The following MTMR2 variants were observed in gnomAD, a reference collection of about 807,000 sequenced individuals.
MTMR2 encodes phosphatidylinositol-3,5-bisphosphate 3-phosphatase MTMR2.
A neutral mutation model predicts 86.9 loss-of-function variants in MTMR2; 55 were observed. That is an observed-to-expected ratio of 0.63 (90% confidence interval 0.51 to 0.79). MTMR2 has a LOEUF of 0.79. Ranked by LOEUF, MTMR2 falls within the 30% of genes least tolerant of loss-of-function variation. The pLI is 0.00. For synonymous variants in MTMR2, 241 were observed against 266.8 expected (o/e 0.90, Z 0.94); for missense variants, 659 against 772.3 (o/e 0.85, Z 1.74).
chr11:95,836,196 C>T lies in MTMR2; in HGVS notation c.1722G>A (p.Glu574=). Residue 574 remains glutamate (E), a synonymous_variant, in exon 14 of 15, where the codon GAG becomes GAA. Coordinates refer to ENST00000346299, the MANE Select transcript of MTMR2 (RefSeq NM_016156.6). Reference sequence around the variant, plus strand: ...ACCTTATGTAATATCCCACCCAGAGCTCTAGGTGGCGCATGCTGGCTACTG... The same window carrying T: ...ACCTTATGTAATATCCCACCCAGAGTTCTAGGTGGCGCATGCTGGCTACTG... ...LYPVASMRHL[E]LWVGYYIRWN... 6.2e-7 allele frequency: 1 copy of T among 1,612,970 alleles called. No homozygotes were observed.
intron 8 of MTMR2, 116 bp downstream of exon 8, chr11:95,850,484 T>C: frequency 1.8e-6 from 2 of 1,086,062 alleles, no homozygotes. Flanking sequence ...AATATCCCCA[T>C]GAAAGACCTG....
At chr11:95,910,683 A>G (rs1382359392) in intron 1 of MTMR2, among the ~76,000 whole-genome samples, 1 of 152,150 alleles carries the variant, frequency 6.6e-6, no homozygotes, top group Admixed American at 6.6e-5. Context: ...TTCTTTTTAA[A>G]AAGTGATTTT....
At chr11:95,889,744 G>A (rs570220703) in intron 1 of MTMR2, among the ~76,000 whole-genome samples, 22 of 152,136 alleles carry the variant, frequency 1.4e-4, no homozygotes, top group African/African-American at 5.3e-4. Flanking sequence ...AAAAATCTGT[G>A]ACAATATGCC....
chr11:95,895,977 A>C, intron 1 of MTMR2, among the ~76,000 whole-genome samples: 1 of 152,096 alleles, frequency 6.6e-6, no homozygotes, highest in South Asian at 2.1e-4. Flanking sequence ...GATAAAGATC[A>C]ATACCTTACC....
intron 1 of MTMR2, among the ~76,000 whole-genome samples, chr11:95,910,659 G>A (rs1050862291): frequency 4.0e-5 from 6 of 151,892 alleles, no homozygotes; most frequent in Non-Finnish European, 7.4e-5. Context: ...TCAATATTCC[G>A]TAAAAAGAAA....
At chr11:95,863,974 T>A (rs1864515182) in intron 3 of MTMR2, among the ~76,000 whole-genome samples, 1 of 152,120 alleles carries the variant, frequency 6.6e-6, no homozygotes. Context: ...AAAAGAGCAG[T>A]CTAGTACGAC....
At chr11:95,923,279 A>T (rs141718038) in intron 1 of MTMR2, among the ~76,000 whole-genome samples, 2,337 of 152,208 alleles carry the variant, frequency 0.015, 34 homozygotes, top group Middle Eastern at 0.034. Flanking sequence ...ATTCCTTGAT[A>T]CTGACTTTCA....
At chr11:95,907,548 G>C (rs1376166060) in intron 1 of MTMR2, among the ~76,000 whole-genome samples, 1 of 152,066 alleles carries the variant, frequency 6.6e-6, no homozygotes, top group Non-Finnish European at 1.5e-5. Flanking sequence ...AAGCCTGGCA[G>C]ACAGACAACG....
chr11:95,874,180 A>G, intron 2 of MTMR2, among the ~76,000 whole-genome samples: 3 of 152,166 alleles, frequency 2.0e-5, no homozygotes, highest in Non-Finnish European at 4.4e-5. Context: ...GATCTGTCTA[A>G]TATTGACAGT....
At chr11:95,871,083 T>C (rs1486510535) in intron 2 of MTMR2, among the ~76,000 whole-genome samples, 5 of 152,230 alleles carry the variant, frequency 3.3e-5, no homozygotes, top group Admixed American at 6.5e-5. Flanking sequence ...TTTTTATGGC[T>C]GCATAGTATT....
intron 8 of MTMR2, 124 bp from the exon 9 acceptor site, chr11:95,849,986 G>C: frequency 1.1e-6 from 1 of 898,442 alleles, no homozygotes; most frequent in African/African-American, 1.7e-5. Context: ...AAGGACATCT[G>C]AGGCTGCTAA....
Position 95,852,087 on chromosome 11 carries a change from A to G in MTMR2, c.655-1338T>C, listed in dbSNP as rs192665107. 6.6e-5 allele frequency among the ~76,000 whole-genome samples: 10 copies of G among 152,338 alleles called. No homozygotes were observed. The East Asian group carries it at 1.7e-3, about 26-fold the overall frequency. On this transcript the variant is annotated intron_variant, in intron 7 of 14. Transcript: ENST00000346299. ...TATGATCTCTGAAAATTCTTATCAA[A>G]CAGAAAAAGACAGAATTGAAAGTGA...
At chr11:95,845,882 T>TAA (rs201863810) in intron 10 of MTMR2, among the ~76,000 whole-genome samples, 3,448 of 89,978 alleles carry the variant, frequency 0.038, 107 homozygotes, top group South Asian at 0.074. Context: ...TATGGTATCT[T>TAA]AAAAAAAAAA....
At chr11:95,843,394 T>C (rs1863634027) in intron 11 of MTMR2, among the ~76,000 whole-genome samples, 1 of 152,174 alleles carries the variant, frequency 6.6e-6, no homozygotes, top group Non-Finnish European at 1.5e-5. Context: ...AAAAGATCTA[T>C]TCAAAATGGA....
At chr11:95,912,833 C>T (rs894837647) in intron 1 of MTMR2, 1 of 151,956 alleles carries the variant, frequency 6.6e-6, no homozygotes, top group Non-Finnish European at 1.5e-5. Flanking sequence ...TCCTAACTAG[C>T]GTACTTCACA....
Position 95,862,138 on chromosome 11 carries a change from A to G in MTMR2, c.358-36T>C, listed in dbSNP as rs1864445525. ...AAAGAAAAAATAATTAAAACTGAGC[A>G]ATTAATACTGTCCAATTATAGAGCT... On this transcript the variant is annotated intron_variant, in intron 4 of 14. Coordinates refer to ENST00000346299, the MANE Select transcript of MTMR2 (RefSeq NM_016156.6). The G allele has an allele frequency of 4.5e-6, 7 of 1,543,380 alleles. No homozygotes were observed. The Admixed American group carries it at 6.7e-5, about 15-fold the overall frequency.
At chr11:95,908,860 C>CT (rs1565385956) in intron 1 of MTMR2, among the ~76,000 whole-genome samples, 1 of 152,094 alleles carries the variant, frequency 6.6e-6, no homozygotes, top group East Asian at 1.9e-4. Context: ...AACAACAAAA[C>CT]TTATCAGAGT....
chr11:95,909,641 T>C (rs1866422901), intron 1 of MTMR2, among the ~76,000 whole-genome samples: 1 of 152,134 alleles, frequency 6.6e-6, no homozygotes. Context: ...TCCTTTATTT[T>C]GTTTTTTTTT....
At chr11:95,860,329 C>T (rs1481189382) in intron 5 of MTMR2, among the ~76,000 whole-genome samples, 1 of 152,018 alleles carries the variant, frequency 6.6e-6, no homozygotes, top group Admixed American at 6.6e-5. Context: ...TGGTGAAACC[C>T]ATCTCTACCA....
Sources: gnomAD v4.1 joint callset for allele counts (sites outside exome capture counted in the v4.1 genomes callset) on GRCh38, gnomAD v4.1.1 for gene constraint, MANE v1.5 for transcripts, NCBI Gene and HGNC (gene_info 2026-07-23, HGNC 2026-07-21) for gene names.